MIDEAS: variants seen among roughly 807,000 people sequenced by gnomAD.
MIDEAS encodes mitotic deacetylase associated SANT domain protein, also known as mitotic deacetylase-associated SANT domain protein.
Under a neutral mutation model 102.7 loss-of-function variants are expected in MIDEAS, and 26 were observed. The ratio of observed to expected loss-of-function variants is 0.25; its 90% CI spans 0.19 to 0.35. The LOEUF is 0.35. Among genes scored for constraint, MIDEAS ranks in the 10% least tolerant of loss-of-function variants. MIDEAS has a pLI of 1.00. For missense variants in MIDEAS, 1,231 were observed against 1,435.6 expected (o/e 0.86, Z 2.30); for synonymous variants, 585 against 591.0 (o/e 0.99, Z 0.15).
Position 73,756,295 on chromosome 14 carries a change from T to TGTGTGCGCGCGC in MIDEAS, c.-248+3467_-248+3468insGCGCGCGCACAC, listed in dbSNP as rs55692592. Among the ~76,000 whole-genome samples the TGTGTGCGCGCGC allele has an allele frequency of 1.8e-3, 224 of 127,706 alleles. 1 individual carries two copies. Among genetic ancestry groups the TGTGTGCGCGCGC allele is most frequent in the African/African-American group, 5.6e-3 (208 of 37,436 alleles). 83.8% of individuals were successfully genotyped at this position (127,706 alleles called of 152,430 possible). A position where few individuals can be genotyped will look rare whatever the true frequency, so the allele number is the denominator to read the frequency against. On this transcript the variant is annotated intron_variant, in intron 1 of 12. Coordinates refer to ENST00000423556, the MANE Select transcript of MIDEAS (RefSeq NM_001367710.1). ...GTGTGTGTGTGTGTGTGTGTGTGTGTGCGCGCGCGCGTGCGCGCTGAGGTG... is the reference window on the plus strand; with the variant it reads ...GTGTGTGTGTGTGTGTGTGTGTGTGTGTGTGCGCGCGCGCGCGCGCGCGTGCGCGCTGAGGTG...
At chr14:73,730,130 CA>C (rs2053119709) in intron 3 of MIDEAS, 145 bp from the exon 4 acceptor site, 6 of 858,192 alleles carry the variant, frequency 7.0e-6, no homozygotes, top group Non-Finnish European at 1.2e-5. Flanking sequence ...GGAGCAGGTC[CA>C]AAAGCCCTTT....
chr14:73,738,222 CCT>C (rs1345608989), intron 2 of MIDEAS, among the ~76,000 whole-genome samples: 1 of 151,956 alleles, frequency 6.6e-6, no homozygotes, highest in African/African-American at 2.4e-5. Flanking sequence ...ATGGTAAAAC[CCT>C]GTCTCTACTA....
chr14:73,727,297 C>G (rs905551529), intron 5 of MIDEAS, 161 bp downstream of exon 5: 3 of 749,540 alleles, frequency 4.0e-6, no homozygotes, highest in Non-Finnish European at 6.6e-6. Context: ...AGAGGCAGGG[C>G]GGGGACAGCA....
chr14:73,721,898 A>C (rs1199744671), intron 10 of MIDEAS, among the ~76,000 whole-genome samples: 1 of 152,206 alleles, frequency 6.6e-6, no homozygotes, highest in East Asian at 1.9e-4. Flanking sequence ...TCCTGCCTGC[A>C]AAATGGGCAG....
At chr14:73,776,963 C>T (rs1445248971) in intron 1 of MIDEAS, among the ~76,000 whole-genome samples, 3 of 151,752 alleles carry the variant, frequency 2.0e-5, no homozygotes, top group East Asian at 1.9e-4. Context: ...CCCAGCTACT[C>T]GGGACGCTGA....
intron 1 of MIDEAS, among the ~76,000 whole-genome samples, chr14:73,753,512 A>G (rs1460062247): frequency 6.6e-6 from 1 of 152,234 alleles, no homozygotes; most frequent in African/African-American, 2.4e-5. Context: ...TGTGGGATTC[A>G]ATGAGGTAAT....
chr14:73,747,200 T>C (rs2053363275), intron 1 of MIDEAS, among the ~76,000 whole-genome samples: 1 of 152,302 alleles, frequency 6.6e-6, no homozygotes, highest in South Asian at 2.1e-4. Context: ...TTCCCTTCTG[T>C]TCCTGCACAG....
intron 1 of MIDEAS, among the ~76,000 whole-genome samples, chr14:73,785,980 G>A (rs2053803842): frequency 6.6e-6 from 1 of 152,194 alleles, no homozygotes; most frequent in African/African-American, 2.4e-5. Context: ...CGCCACTACC[G>A]AGGTCTTGCA....
rs1437970153 is a variant in MIDEAS, at chr14:73,719,432, C to G, written c.3007G>C (p.Glu1003Gln). Residue 1003 changes from glutamate to glutamine, a missense_variant, in exon 12 of 13, where the codon GAG (glutamate) becomes CAG (glutamine). Physicochemically the swap from Glu to Gln is conservative, Grantham distance 29 (BLOSUM62 2). Coordinates refer to ENST00000423556, the MANE Select transcript of MIDEAS (RefSeq NM_001367710.1). The stretch of plus-strand genomic sequence containing the variant: ...TTCCCTGTCCCTTCCCTTGGCTTCT[C>G]CGAGGCCTGGCCACCGGCAGACCCA... ...APGSAGGQAS[E>Q]KPREGTGKSR... 6.2e-7 allele frequency: 1 copy of G among 1,613,980 alleles called. No individual in the cohort carries two copies. The highest frequency in any genetic ancestry group is 1.3e-5 in the African/African-American group (1 of 74,908).
chr14:73,788,771 G>A (rs1391510777), upstream of MIDEAS, among the ~76,000 whole-genome samples: 1 of 152,222 alleles, frequency 6.6e-6, no homozygotes, highest in African/African-American at 2.4e-5. Flanking sequence ...ATAAATAGAA[G>A]TAATTCCTTA....
intron 1 of MIDEAS, among the ~76,000 whole-genome samples, chr14:73,786,146 C>G (rs1242888954): frequency 6.6e-6 from 1 of 152,214 alleles, no homozygotes; most frequent in Non-Finnish European, 1.5e-5. Flanking sequence ...CTTTCCTGCA[C>G]ACACCAACGT....
intron 5 of MIDEAS, 140 bp downstream of exon 5, chr14:73,727,318 C>A (rs1343451353): frequency 6.8e-6 from 6 of 879,886 alleles, no homozygotes; most frequent in African/African-American, 1.7e-5. Flanking sequence ...AAGCCCAGGG[C>A]CACATACAGA....
chr14:73,736,062 C>G (rs1020869132), intron 3 of MIDEAS, among the ~76,000 whole-genome samples: 1 of 152,052 alleles, frequency 6.6e-6, no homozygotes, highest in Non-Finnish European at 1.5e-5. Context: ...GAGGCTGAGG[C>G]AGGAGAATCT....
At position 73,715,638 on chromosome 14, in the gene MIDEAS, T is replaced by C. The variant is rs910952374; in HGVS notation, c.*3205A>G. 7.2e-5 allele frequency: 11 copies of C among 152,442 alleles called. No homozygotes were observed. Among genetic ancestry groups the C allele is most frequent in the Non-Finnish European group, 1.6e-4 (11 of 68,014 alleles). 9.4% of individuals were successfully genotyped at this position (152,442 alleles called of 1,614,324 possible). On this transcript the variant is annotated 3_prime_UTR_variant, in exon 13 of 13. Coordinates refer to ENST00000423556, the MANE Select transcript of MIDEAS (RefSeq NM_001367710.1). The stretch of plus-strand genomic sequence containing the variant: ...AATATCCCTACTTCCTGTAAACCTA[T>C]GGAGTTAGGCTTGCCAGTCTGATAA...
upstream of MIDEAS, among the ~76,000 whole-genome samples, chr14:73,762,661 C>A (rs1282957568): frequency 6.6e-6 from 1 of 152,144 alleles, no homozygotes; most frequent in Non-Finnish European, 1.5e-5. Context: ...GAATCACTGA[C>A]GTGTGAAGTG....
chr14:73,772,794 A>AGTGTGT (rs61402555), intron 1 of MIDEAS, among the ~76,000 whole-genome samples: 27,846 of 135,494 alleles, frequency 0.21, 3,052 homozygotes, highest in Non-Finnish European at 0.22. Flanking sequence ...TTCAAGTTCT[A>AGTGTGT]GTGTGTGTGT....
upstream of MIDEAS, chr14:73,789,892 C>G (rs1194186839): frequency 6.6e-6 from 1 of 152,372 alleles, no homozygotes; most frequent in Non-Finnish European, 1.5e-5. Flanking sequence ...TCTTCCTCCT[C>G]CTCCAGGCAT....
In MIDEAS at chr14:73,759,108, T is replaced by TGCGC. The variant is rs1342200599; in HGVS notation, c.-248+651_-248+654dup. Among the ~76,000 whole-genome samples the TGCGC allele has an allele frequency of 6.6e-6, 1 of 151,218 alleles. No individual in the cohort carries two copies. The highest frequency in any genetic ancestry group is 1.5e-5 in the Non-Finnish European group (1 of 67,732). On this transcript the variant is annotated intron_variant, in intron 1 of 12. Transcript: ENST00000423556. This position sits in a 1 kb window ranked among gnomAD's most constrained non-coding sequence, Gnocchi z 6.7. ...GCGCGGGAGGATGACAGGTCTGAGG[T>TGCGC]GCGCCCGCCCGCGCGAAGCGCTCCA...
At chr14:73,785,598 G>A (rs1001602310) in intron 1 of MIDEAS, among the ~76,000 whole-genome samples, 1 of 152,186 alleles carries the variant, frequency 6.6e-6, no homozygotes, top group Admixed American at 6.5e-5. Context: ...AGTCACACAT[G>A]GTCTGACGAG....
Sources: gnomAD v4.1 joint callset for allele counts (sites outside exome capture counted in the v4.1 genomes callset) on GRCh38, gnomAD v4.1.1 for gene constraint, Gnocchi (gnomAD v3.1) non-coding constraint, MANE v1.5 for transcripts, NCBI Gene and HGNC (gene_info 2026-07-23, HGNC 2026-07-21) for gene names.